GLB1L2: variants seen among roughly 807,000 people sequenced by gnomAD.
The protein encoded by GLB1L2 is beta-galactosidase-1-like protein 2.
A neutral mutation model predicts 84.1 loss-of-function variants in GLB1L2; 68 were observed. The observed-to-expected ratio is 0.81, with a 90% CI of 0.67 to 0.99. The LOEUF (loss-of-function observed/expected upper bound fraction) is 0.99. GLB1L2 is among the 50% of genes least tolerant of loss of function. The probability of loss-of-function intolerance (pLI) is 0.00; values close to 1 mark genes in which losing one functional copy is unlikely to be tolerated. For missense variants in GLB1L2, 762 were observed against 805.6 expected (o/e 0.95, Z 0.66); for synonymous variants, 290 against 318.0 (o/e 0.91, Z 0.94).
rs879161539 is a variant in GLB1L2, at chr11:134,339,636, T to C, written c.87-3118T>C. On this transcript the variant is annotated intron_variant, in intron 1 of 18. Coordinates refer to ENST00000535456, the MANE Select transcript of GLB1L2 (RefSeq NM_001370461.1). This position sits in a 1 kb window ranked among gnomAD's most constrained non-coding sequence, Gnocchi z 5.7. ...AGAAGAACGTTTCATTCTAAAAATA[T>C]AGAAAATGGTGTGTTATAAAGACAC... Among the ~76,000 whole-genome samples the C allele has an allele frequency of 2.0e-5, 3 of 152,002 alleles. No individual in the cohort carries two copies. The highest frequency in any genetic ancestry group is 4.8e-5 in the African/African-American group (2 of 41,384).
intron 2 of GLB1L2, among the ~76,000 whole-genome samples, chr11:134,344,130 T>C (rs1026209596): frequency 6.6e-6 from 1 of 152,246 alleles, no homozygotes; most frequent in African/African-American, 2.4e-5. Context: ...CATGGTAAGC[T>C]AACTGGGGTC....
rs886827391 is a variant in GLB1L2, at chr11:134,339,923, G to A, written c.87-2831G>A. Among the ~76,000 whole-genome samples, 6 of 152,190 alleles carry A rather than the reference G, an allele frequency of 3.9e-5. No individual in the cohort carries two copies. Among genetic ancestry groups the A allele is most frequent in the African/African-American group, 1.4e-4 (6 of 41,444 alleles). Reference sequence around the variant, plus strand: ...TTGAGTCAGGCGGCTGTGACCCTGAGGGAGTTCAGAGGTGTGGCTGTCTAT... The same window carrying A: ...TTGAGTCAGGCGGCTGTGACCCTGAAGGAGTTCAGAGGTGTGGCTGTCTAT... On this transcript the variant is annotated intron_variant, in intron 1 of 18. Transcript: ENST00000535456. The surrounding 1 kb of genome is among the most constrained non-coding windows in gnomAD (Gnocchi z 5.7).
intron 15 of GLB1L2, 95 bp downstream of exon 15, chr11:134,371,925 C>T (rs995991603): frequency 3.2e-6 from 4 of 1,234,274 alleles, no homozygotes; most frequent in Non-Finnish European, 3.5e-6. Flanking sequence ...GCCATGGAGG[C>T]CTCTTGCAGG....
intron 2 of GLB1L2, among the ~76,000 whole-genome samples, chr11:134,344,124 G>A (rs1207904581): frequency 6.6e-6 from 1 of 152,216 alleles, no homozygotes; most frequent in Non-Finnish European, 1.5e-5. Flanking sequence ...CGTGGGCATG[G>A]TAAGCTAACT....
chr11:134,340,093 A>G (rs1203767246), intron 1 of GLB1L2, among the ~76,000 whole-genome samples: 1 of 152,122 alleles, frequency 6.6e-6, no homozygotes, highest in Non-Finnish European at 1.5e-5. Flanking sequence ...CCCTGCCTAC[A>G]CCTCTGCATT....
chr11:134,341,147 G>A (rs1272621678), intron 1 of GLB1L2, among the ~76,000 whole-genome samples: 1 of 152,206 alleles, frequency 6.6e-6, no homozygotes, highest in Admixed American at 6.5e-5. Flanking sequence ...TCTCTCTAAA[G>A]CTTTCTCTTT....
rs774722073 is a variant in GLB1L2, at chr11:134,339,388, T to A, written c.87-3366T>A. On this transcript the variant is annotated intron_variant, in intron 1 of 18. Transcript: ENST00000535456. The surrounding 1 kb of genome is among the most constrained non-coding windows in gnomAD (Gnocchi z 5.7). ...GTTGTTTATGAAGCTGTAACTCGCA[T>A]GGTCTCATTTACTAGCAGTGAATTC... 4.6e-5 allele frequency among the ~76,000 whole-genome samples: 7 copies of A among 152,206 alleles called. No homozygotes were observed. Among genetic ancestry groups the A allele is most frequent in the African/African-American group, 7.2e-5 (3 of 41,444 alleles).
rs142323971 is a variant in GLB1L2, at chr11:134,342,840, A to G, written c.173A>G (p.Asp58Gly). 9.9e-6 allele frequency: 16 copies of G among 1,613,980 alleles called. No individual in the cohort carries two copies. Among genetic ancestry groups the G allele is most frequent in the Admixed American group, 8.3e-5 (5 of 60,032 alleles). Residue 58 changes from aspartate (D) to glycine (G), a missense_variant, in exon 2 of 19, where the codon GAT becomes GGT. By Grantham distance (94) the Asp-to-Gly change is moderately conservative. Around this residue, in one of 3 missense-constraint regions of GLB1L2, gnomAD observed 100 missense variants for 88.8 expected, o/e 1.13. Transcript: ENST00000535456. ...AAGGGCTGGAACTTCATGCTGGAGG[A>G]TTCCACCTTCTGGATCTTCGGGGGC... ...QAKGWNFMLEDSTFWIFGGSI... is the reference protein window; with the variant it reads ...QAKGWNFMLEGSTFWIFGGSI...
intron 1 of GLB1L2, among the ~76,000 whole-genome samples, chr11:134,340,598 G>A (rs1209026707): frequency 4.6e-5 from 7 of 152,332 alleles, no homozygotes; most frequent in Admixed American, 6.5e-5. Context: ...AAGAAGGCCC[G>A]GACGGTGGCC....
In GLB1L2 at chr11:134,338,320, G is replaced by T. The variant is rs186151705; in HGVS notation, c.87-4434G>T. Reference sequence around the variant, plus strand: ...GCAGGGATGCCCGCTGGCATGGCAGGACGCATTTCAAGCCTGGCACACTTC... The same window carrying T: ...GCAGGGATGCCCGCTGGCATGGCAGTACGCATTTCAAGCCTGGCACACTTC... On this transcript the variant is annotated intron_variant, in intron 1 of 18. Transcript: ENST00000535456. This position sits in a 1 kb window ranked among gnomAD's most constrained non-coding sequence, Gnocchi z 6.2. 3.3e-5 allele frequency among the ~76,000 whole-genome samples: 5 copies of T among 152,304 alleles called. No homozygotes were observed. The highest frequency in any genetic ancestry group is 1.9e-4 in the East Asian group (1 of 5,180).
Position 134,342,740 on chromosome 11 carries a change from C to G in GLB1L2, c.87-14C>G. On this transcript the variant is annotated splice_polypyrimidine_tract_variant and intron_variant, in intron 1 of 18. Transcript: ENST00000535456. ...CCGGAGCCTCCAGGCTCCAGAATGTCTTTGTCTTTCCAGGCTGGACTGGAG... is the reference window on the plus strand; with the variant it reads ...CCGGAGCCTCCAGGCTCCAGAATGTGTTTGTCTTTCCAGGCTGGACTGGAG... The G allele has an allele frequency of 6.2e-7, 1 of 1,611,724 alleles. No individual in the cohort carries two copies.
chr11:134,352,793 G>A (rs1943651412), intron 5 of GLB1L2, among the ~76,000 whole-genome samples: 1 of 151,918 alleles, frequency 6.6e-6, no homozygotes, highest in Non-Finnish European at 1.5e-5. Flanking sequence ...GATTACAGGT[G>A]CCCGTGACCA....
chr11:134,354,033 T>G (rs1475563017), intron 5 of GLB1L2, among the ~76,000 whole-genome samples: 1 of 152,240 alleles, frequency 6.6e-6, no homozygotes, highest in Non-Finnish European at 1.5e-5. Context: ...TGTGTTTACA[T>G]TCAAAGTAAT....
At chr11:134,344,730 C>T (rs2599526) in intron 3 of GLB1L2, among the ~76,000 whole-genome samples, 1 of 143,516 alleles carries the variant, frequency 7.0e-6, no homozygotes, top group African/African-American at 2.5e-5. Context: ...GGGGTCCGGC[C>T]GCTGGGCTGG....
intron 5 of GLB1L2, among the ~76,000 whole-genome samples, chr11:134,355,032 ATTCTT>A (rs1231466014): frequency 1.3e-5 from 2 of 151,924 alleles, no homozygotes; most frequent in African/African-American, 4.8e-5. Flanking sequence ...ACTTTTCTTT[ATTCTT>A]TTATCTCCTC....
chr11:134,373,684 C>A (rs760941542), intron 15 of GLB1L2, 37 bp from the exon 16 acceptor site: 42 of 1,448,620 alleles, frequency 2.9e-5, no homozygotes, highest in Non-Finnish European at 3.8e-5. Flanking sequence ...CGGCCCCTGC[C>A]TTTGGGCTAC....
At position 134,370,973 on chromosome 11, in the gene GLB1L2, G is replaced by A; in HGVS notation, c.1216-35G>A. On this transcript the variant is annotated intron_variant, in intron 12 of 18. Coordinates refer to ENST00000535456, the MANE Select transcript of GLB1L2 (RefSeq NM_001370461.1). The surrounding 1 kb of genome is among the most constrained non-coding windows in gnomAD (Gnocchi z 4.7). ...GTCTGTCTGTGACCCCACTCCTCCT[G>A]AGCCTGCCCACCCCTCCATCTCTTC... is the stretch of plus-strand genomic sequence containing the variant. 1 of 1,611,934 alleles carries A rather than the reference G, an allele frequency of 6.2e-7. No individual in the cohort carries two copies. Among genetic ancestry groups the A allele is most frequent in the Middle Eastern group, 1.7e-4 (1 of 6,040 alleles).
intron 5 of GLB1L2, among the ~76,000 whole-genome samples, chr11:134,348,385 A>C (rs1943579783): frequency 6.6e-6 from 1 of 152,186 alleles, no homozygotes; most frequent in African/African-American, 2.4e-5. Flanking sequence ...GGAACTAGGA[A>C]GTCATTAGCC....
chr11:134,373,758 GA>G lies in GLB1L2; in HGVS notation c.1550del (p.Asn517ThrfsTer9). The G allele has an allele frequency of 6.2e-7, 1 of 1,613,324 alleles. No individual in the cohort carries two copies. The highest frequency in any genetic ancestry group is 1.1e-5 in the South Asian group (1 of 91,038). On this transcript the variant is annotated frameshift_variant, in exon 16 of 19. Transcript: ENST00000535456. LOFTEE classifies it high-confidence loss of function. ...GNLYLNDSPL[K>X]NFRIYSLDMK... ...ATCTCTATCTGAATGATTCACCCCT[GA>G]AAAACTTCAGAATCTATAGCCTGGA...
Sources: gnomAD v4.1 joint callset for allele counts (sites outside exome capture counted in the v4.1 genomes callset) on GRCh38, gnomAD v4.1.1 for gene constraint, gnomAD v4.1.1 regional missense constraint, Gnocchi (gnomAD v3.1) non-coding constraint, MANE v1.5 for transcripts, NCBI Gene and HGNC (gene_info 2026-07-23, HGNC 2026-07-21) for gene names.